The following CDH13 variants were observed in gnomAD, a reference collection of about 807,000 sequenced individuals.
CDH13 encodes the protein cadherin-13.
Under a neutral mutation model 63.8 loss-of-function variants are expected in CDH13, and 24 were observed. The ratio of observed to expected loss-of-function variants is 0.38; its 90% CI spans 0.27 to 0.53. The LOEUF is 0.53. CDH13 is among the 20% of genes least tolerant of loss of function. CDH13 has a pLI of 0.85. For synonymous variants in CDH13, 503 were observed against 355.3 expected (o/e 1.42, Z -4.67); for missense variants, 1,049 against 903.1 (o/e 1.16, Z -2.07).
chr16:82,674,906 A>C lies in CDH13; in HGVS notation c.45+47769A>C, dbSNP rs371752779. Among the ~76,000 whole-genome samples, 107 of 152,194 alleles carry C rather than the reference A, an allele frequency of 7.0e-4. 3 individuals are homozygous for C. In the South Asian group the frequency reaches 0.021, roughly 30 times the overall value. ...AATAATTGCATTGTCTCTGGATTCA[A>C]AAAGTCATAATCTATTAATTTGATG... is the stretch of plus-strand genomic sequence containing the variant. On this transcript the variant is annotated intron_variant, in intron 1 of 13. Coordinates refer to ENST00000567109, the MANE Select transcript of CDH13 (RefSeq NM_001257.5).
At chr16:83,636,056 A>C (rs746134826) in intron 8 of CDH13, among the ~76,000 whole-genome samples, 15 of 152,058 alleles carry the variant, frequency 9.9e-5, no homozygotes, top group African/African-American at 1.7e-4. Flanking sequence ...CCTTTTAGAA[A>C]TAGCTATCCT....
Position 83,348,060 on chromosome 16 carries a change from G to A in CDH13, c.781+3054G>A, listed in dbSNP as rs570070433. On this transcript the variant is annotated intron_variant, in intron 6 of 13. Transcript: ENST00000567109. ...CAAAAATTAGCCGGGTGCGGTGGTGGGTGCCTGTAATCCCAGCTAGTCGGG... is the reference window on the plus strand; with the variant it reads ...CAAAAATTAGCCGGGTGCGGTGGTGAGTGCCTGTAATCCCAGCTAGTCGGG... Among the ~76,000 whole-genome samples the A allele has an allele frequency of 1.1e-4, 17 of 152,186 alleles. No homozygotes were observed. In the South Asian group the frequency reaches 3.5e-3, roughly 32 times the overall value.
At chr16:83,460,732 A>C (rs1355363957) in intron 6 of CDH13, among the ~76,000 whole-genome samples, 6 of 151,962 alleles carry the variant, frequency 3.9e-5, no homozygotes, top group African/African-American at 1.5e-4. Context: ...AGTGGCTTGC[A>C]CCTGTAAACC....
intron 6 of CDH13, among the ~76,000 whole-genome samples, chr16:83,371,662 T>C (rs2091369345): frequency 6.6e-6 from 1 of 151,666 alleles, no homozygotes; most frequent in Admixed American, 6.6e-5. Flanking sequence ...TAAAGTATAT[T>C]GAAAGTAGAT....
chr16:82,825,242 C>CG (rs2038186493), intron 1 of CDH13: 2 of 152,172 alleles, frequency 1.3e-5, no homozygotes, highest in Non-Finnish European at 2.9e-5. Context: ...GGTCAGACAG[C>CG]GCAGGCGTGT....
chr16:82,992,461 G>A lies in CDH13; in HGVS notation c.158-39549G>A, dbSNP rs372759939. Among the ~76,000 whole-genome samples the A allele has an allele frequency of 2.0e-5, 3 of 152,276 alleles. No homozygotes were observed. The South Asian group carries it at 6.2e-4, about 32-fold the overall frequency. On this transcript the variant is annotated intron_variant, in intron 2 of 13. Transcript: ENST00000567109. ...AGTGAGACTTTGGGCTCTACGTGCAGAGAGACTGGTTTACAACCAGTCAAG... is the reference window on the plus strand; with the variant it reads ...AGTGAGACTTTGGGCTCTACGTGCAAAGAGACTGGTTTACAACCAGTCAAG...
intron 7 of CDH13, among the ~76,000 whole-genome samples, chr16:83,578,962 C>G (rs1185094033): frequency 1.3e-5 from 2 of 152,236 alleles, no homozygotes; most frequent in African/African-American, 4.8e-5. Context: ...AATCTTTGAA[C>G]ACTTTCCGCC....
At chr16:83,402,668 T>A (rs913798190) in intron 6 of CDH13, among the ~76,000 whole-genome samples, 6 of 152,220 alleles carry the variant, frequency 3.9e-5, no homozygotes, top group African/African-American at 1.4e-4. Context: ...AAGTTGGTGC[T>A]GTTTGGATGG....
chr16:82,909,632 T>G (rs949181966), intron 2 of CDH13, among the ~76,000 whole-genome samples: 1 of 151,962 alleles, frequency 6.6e-6, no homozygotes, highest in Non-Finnish European at 1.5e-5. Context: ...GCAAGAGAGC[T>G]CATGCATGGG....
intron 2 of CDH13, among the ~76,000 whole-genome samples, chr16:83,028,919 G>A (rs1479295160): frequency 1.3e-5 from 2 of 152,134 alleles, no homozygotes; most frequent in African/African-American, 4.8e-5. Flanking sequence ...TTGAAAATGT[G>A]CAGTGGTGAC....
chr16:83,379,288 G>C (rs1184511557), intron 6 of CDH13, among the ~76,000 whole-genome samples: 1 of 152,160 alleles, frequency 6.6e-6, no homozygotes, highest in African/African-American at 2.4e-5. Flanking sequence ...TAGATACGAA[G>C]CTTGAGTCAA....
At chr16:82,929,980 G>A (rs1054662954) in intron 2 of CDH13, among the ~76,000 whole-genome samples, 1 of 149,006 alleles carries the variant, frequency 6.7e-6, no homozygotes, top group African/African-American at 2.5e-5. Flanking sequence ...TGCCCTCTCA[G>A]TCATATTCCA....
rs1404835963 is a variant in CDH13, at chr16:83,580,576, C to T, written c.961-21878C>T. ...GTGGTATGATCTGAGTTTACTGCAGCCTCAAACTCCTGAGCTCAAGCAATC... is the reference window on the plus strand; with the variant it reads ...GTGGTATGATCTGAGTTTACTGCAGTCTCAAACTCCTGAGCTCAAGCAATC... On this transcript the variant is annotated intron_variant, in intron 7 of 13. Coordinates refer to ENST00000567109, the MANE Select transcript of CDH13 (RefSeq NM_001257.5). 3.4e-5 allele frequency among the ~76,000 whole-genome samples: 5 copies of T among 148,416 alleles called. No homozygotes were observed. In the East Asian group the frequency reaches 8.5e-4, roughly 25 times the overall value.
At chr16:82,792,603 C>T (rs1048369880) in intron 1 of CDH13, among the ~76,000 whole-genome samples, 1 of 152,276 alleles carries the variant, frequency 6.6e-6, no homozygotes, top group Non-Finnish European at 1.5e-5. Context: ...GTGTCATATG[C>T]CACTGCATCC....
At chr16:83,071,211 C>G (rs2032412510) in intron 3 of CDH13, among the ~76,000 whole-genome samples, 1 of 152,164 alleles carries the variant, frequency 6.6e-6, no homozygotes, top group Non-Finnish European at 1.5e-5. Context: ...TTAGAAGCCT[C>G]TACAACACAG....
chr16:83,271,218 C>T (rs2088796786), intron 5 of CDH13, among the ~76,000 whole-genome samples: 1 of 151,730 alleles, frequency 6.6e-6, no homozygotes, highest in Non-Finnish European at 1.5e-5. Flanking sequence ...ACAACTGAAT[C>T]ACATATTGTA....
intron 2 of CDH13, among the ~76,000 whole-genome samples, chr16:83,020,543 C>G (rs894701073): frequency 2.0e-5 from 3 of 152,192 alleles, no homozygotes; most frequent in African/African-American, 7.2e-5. Flanking sequence ...TGCTGCTCAG[C>G]ATAACAGTTT....
chr16:82,923,109 C>A (rs1039780239), intron 2 of CDH13, among the ~76,000 whole-genome samples: 1 of 152,056 alleles, frequency 6.6e-6, no homozygotes, highest in Non-Finnish European at 1.5e-5. Context: ...GGAAAAATGG[C>A]GCCAATAGAC....
chr16:83,294,096 TTTTCC>T (rs2089529998), intron 5 of CDH13, among the ~76,000 whole-genome samples: 8 of 151,980 alleles, frequency 5.3e-5, no homozygotes, highest in Admixed American at 5.2e-4. Context: ...TTTTAGAATT[TTTTCC>T]TTTCTTTTCT....
Sources: allele counts gnomAD v4.1 joint callset (sites outside exome capture counted in the v4.1 genomes callset), GRCh38; gene constraint gnomAD v4.1.1; transcripts MANE v1.5; gene names NCBI Gene and HGNC (gene_info 2026-07-23, HGNC 2026-07-21).